Variants in CSMD2 observed in about 807,000 individuals in gnomAD.
CSMD2 encodes the protein CUB and sushi domain-containing protein 2.
In CSMD2, 130 loss-of-function variants were observed where a neutral mutation model predicts 398.5. The observed-to-expected ratio is 0.33, with a 90% CI of 0.28 to 0.38. The LOEUF (loss-of-function observed/expected upper bound fraction) is 0.38. Ranked by LOEUF, CSMD2 falls within the 10% of genes least tolerant of loss-of-function variation. The probability of loss-of-function intolerance (pLI) is 1.00; values close to 1 mark genes in which losing one functional copy is unlikely to be tolerated. For synonymous variants in CSMD2, 1,828 were observed against 1,908.5 expected (o/e 0.96, Z 1.10); for missense variants, 3,829 against 4,764.9 (o/e 0.80, Z 5.78).
chr1:33,921,382 A>AT lies in CSMD2; in HGVS notation c.713-3082dup, dbSNP rs1320217688. On this transcript the variant is annotated intron_variant, in intron 4 of 70. Coordinates refer to ENST00000373381, the MANE Select transcript of CSMD2 (RefSeq NM_001281956.2). ...TGATGTAAATAAATTCACCATGAAC[A>AT]TTACCAGGGAGATAAGCCACAGGAG... Among the ~76,000 whole-genome samples, 27 of 132,844 alleles carry AT rather than the reference A, an allele frequency of 2.0e-4. No individual in the cohort carries two copies. In the Middle Eastern group the frequency reaches 0.011, roughly 53 times the overall value. 87.2% of individuals were successfully genotyped at this position (132,844 alleles called of 152,430 possible). A position where few individuals can be genotyped will look rare whatever the true frequency, so the allele number is the denominator to read the frequency against.
At chr1:33,979,465 AC>A (rs754505187) in intron 3 of CSMD2, among the ~76,000 whole-genome samples, 4 of 152,188 alleles carry the variant, frequency 2.6e-5, no homozygotes, top group Non-Finnish European at 5.9e-5. Context: ...TACTGTGGGT[AC>A]CAGTATCCAA....
chr1:33,656,871 G>A (rs932492093), intron 27 of CSMD2, among the ~76,000 whole-genome samples: 9 of 152,326 alleles, frequency 5.9e-5, no homozygotes, highest in Non-Finnish European at 1.2e-4. Flanking sequence ...CCAGTATGGG[G>A]CAAGTACACA....
intron 5 of CSMD2, chr1:33,870,419 C>T (rs143658760): frequency 1.3e-5 from 2 of 152,260 alleles, no homozygotes; most frequent in Non-Finnish European, 2.9e-5. Flanking sequence ...GGATACGACC[C>T]TTCAGGTTGG....
intron 1 of CSMD2, among the ~76,000 whole-genome samples, chr1:34,093,110 G>A (rs1192900769): frequency 1.3e-5 from 2 of 152,110 alleles, no homozygotes; most frequent in East Asian, 1.9e-4. Context: ...CCTGACCCCC[G>A]AGCAGCCTAA....
chr1:33,668,644 A>G (rs1644391837), intron 25 of CSMD2, among the ~76,000 whole-genome samples: 1 of 152,190 alleles, frequency 6.6e-6, no homozygotes, highest in African/African-American at 2.4e-5. Flanking sequence ...GGCTTTTGAT[A>G]TCCTGAGAAC....
intron 4 of CSMD2, among the ~76,000 whole-genome samples, chr1:33,929,920 G>A (rs1487157501): frequency 6.6e-6 from 1 of 152,134 alleles, no homozygotes; most frequent in Non-Finnish European, 1.5e-5. Flanking sequence ...TCCCCACAGA[G>A]GCCTCCCCTG....
chr1:33,561,739 G>A (rs1658566815), intron 53 of CSMD2, among the ~76,000 whole-genome samples: 1 of 152,164 alleles, frequency 6.6e-6, no homozygotes, highest in African/African-American at 2.4e-5. Context: ...GTGGCATGAG[G>A]TCTGATCTAG....
intron 2 of CSMD2, among the ~76,000 whole-genome samples, chr1:34,057,475 C>T (rs1419382549): frequency 6.6e-6 from 1 of 152,050 alleles, no homozygotes; most frequent in African/African-American, 2.4e-5. Flanking sequence ...CTGTCAGGAC[C>T]CCTCCCCTCC....
At chr1:33,562,621 G>A (rs771473642) in intron 53 of CSMD2, among the ~76,000 whole-genome samples, 4 of 152,184 alleles carry the variant, frequency 2.6e-5, no homozygotes, top group Admixed American at 6.5e-5. Flanking sequence ...TGGTTAGGCC[G>A]TGATACCTAG....
chr1:33,664,781 C>A (rs181408507), intron 25 of CSMD2, among the ~76,000 whole-genome samples: 1 of 150,908 alleles, frequency 6.6e-6, no homozygotes, highest in Non-Finnish European at 1.5e-5. Flanking sequence ...CCAGCCTGGG[C>A]GACACAGCGA....
In CSMD2 at chr1:33,843,600, C is replaced by T. The variant is rs80204309; in HGVS notation, c.1033+3284G>A. Among the ~76,000 whole-genome samples the T allele has an allele frequency of 2.9e-3, 442 of 152,274 alleles. 2 individuals are homozygous for T. Among genetic ancestry groups the T allele is most frequent in the African/African-American group, 9.9e-3 (410 of 41,556 alleles). On this transcript the variant is annotated intron_variant, in intron 6 of 70. Transcript: ENST00000373381. ...TTAAACCTCTCTGCCCTGTTCTGTG[C>T]CCCAAGAAGCTGATCTCTGTGGACT...
chr1:34,079,664 A>C (rs1464455522), intron 2 of CSMD2, among the ~76,000 whole-genome samples: 1 of 152,200 alleles, frequency 6.6e-6, no homozygotes, highest in Non-Finnish European at 1.5e-5. Flanking sequence ...AACACGAAGA[A>C]AATTCTACAA....
chr1:34,067,178 T>C (rs904250958), intron 2 of CSMD2, among the ~76,000 whole-genome samples: 5 of 152,132 alleles, frequency 3.3e-5, no homozygotes, highest in African/African-American at 1.2e-4. Context: ...GGGTAGTGAT[T>C]AGAGGGAAAA....
chr1:33,708,004 G>T (rs1032015477), intron 22 of CSMD2, among the ~76,000 whole-genome samples: 2 of 152,180 alleles, frequency 1.3e-5, no homozygotes, highest in African/African-American at 4.8e-5. Flanking sequence ...AACATGCTTT[G>T]TATGAGGCTT....
intron 64 of CSMD2, among the ~76,000 whole-genome samples, chr1:33,527,720 C>A (rs1164534055): frequency 6.6e-6 from 1 of 152,050 alleles, no homozygotes; most frequent in Non-Finnish European, 1.5e-5. Flanking sequence ...GGGTTGTTGT[C>A]TACATTCCAA....
At chr1:33,759,324 C>CTT (rs756784492) in intron 13 of CSMD2, among the ~76,000 whole-genome samples, 25 of 124,766 alleles carry the variant, frequency 2.0e-4, no homozygotes, top group Non-Finnish European at 2.5e-4. Context: ...CTTTTTTTTT[C>CTT]TTTTTTTTTT....
At chr1:34,044,112 C>T (rs1652200366) in intron 2 of CSMD2, among the ~76,000 whole-genome samples, 1 of 152,136 alleles carries the variant, frequency 6.6e-6, no homozygotes, top group South Asian at 2.1e-4. Flanking sequence ...TATACTGAAT[C>T]CTATGAGTCC....
chr1:33,724,844 T>C, intron 17 of CSMD2, 140 bp from the exon 18 acceptor site: 1 of 776,310 alleles, frequency 1.3e-6, no homozygotes, highest in South Asian at 1.8e-5. Flanking sequence ...AATGTGGCCG[T>C]CAGAATTTGC....
At chr1:33,914,726 A>G (rs1463353997) in intron 5 of CSMD2, among the ~76,000 whole-genome samples, 1 of 152,188 alleles carries the variant, frequency 6.6e-6, no homozygotes, top group Non-Finnish European at 1.5e-5. Context: ...TGCTGCATGT[A>G]TACTGTTGGC....
Sources: gnomAD v4.1 joint callset for allele counts (sites outside exome capture counted in the v4.1 genomes callset) on GRCh38, gnomAD v4.1.1 for gene constraint, MANE v1.5 for transcripts, NCBI Gene and HGNC (gene_info 2026-07-23, HGNC 2026-07-21) for gene names.